The following PRDM6 variants were observed in gnomAD, a reference collection of about 807,000 sequenced individuals.
PRDM6 encodes the protein PR/SET domain 6.
In PRDM6, 25 loss-of-function variants were observed where a neutral mutation model predicts 60.8. That is an observed-to-expected ratio of 0.41 (90% CI 0.30 to 0.57). The LOEUF is 0.57. Ranked by LOEUF, PRDM6 falls within the 20% of genes least tolerant of loss-of-function variation. The probability of loss-of-function intolerance (pLI) is 0.27; values close to 1 mark genes in which losing one functional copy is unlikely to be tolerated. For synonymous variants in PRDM6, 407 were observed against 357.4 expected, an observed-to-expected ratio of 1.14 and a Z score of -1.57; for missense variants, 839 against 821.3, an observed-to-expected ratio of 1.02 and a Z score of -0.26.
Position 123,123,723 on chromosome 5 carries a change from T to A in PRDM6, c.900+23762T>A, listed in dbSNP as rs567799113. On this transcript the variant is annotated intron_variant, in intron 3 of 7. Coordinates refer to ENST00000407847, the MANE Select transcript of PRDM6 (RefSeq NM_001136239.4). ...CTCCCATGCAAACTCTTAATGCCAC[T>A]CTGATAACATTGGAAACTTTAGGCC... 2.6e-5 allele frequency among the ~76,000 whole-genome samples: 4 copies of A among 152,336 alleles called. No homozygotes were observed. The East Asian group carries it at 5.8e-4, about 22-fold the overall frequency.
At chr5:123,130,016 T>TTTCCC (rs570664101) in intron 3 of PRDM6, among the ~76,000 whole-genome samples, 5 of 131,872 alleles carry the variant, frequency 3.8e-5, no homozygotes, top group South Asian at 2.8e-4. Flanking sequence ...TCCTTTTCCC[T>TTTCCC]TTCCCTTCCC....
Position 123,143,629 on chromosome 5 carries a change from G to A in PRDM6, c.901-12255G>A, listed in dbSNP as rs568072163. On this transcript the variant is annotated intron_variant, in intron 3 of 7. Coordinates refer to ENST00000407847, the MANE Select transcript of PRDM6 (RefSeq NM_001136239.4). ...GGGCGTCTCTCTGGGAGACAGCATG[G>A]TGTCCCAGTGCTGGCTGCACACTTG... 3.9e-5 allele frequency among the ~76,000 whole-genome samples: 6 copies of A among 152,196 alleles called. No individual in the cohort carries two copies. In the South Asian group the frequency reaches 8.3e-4, roughly 21 times the overall value.
At chr5:123,151,479 G>A (rs1765368032) in intron 3 of PRDM6, among the ~76,000 whole-genome samples, 1 of 152,152 alleles carries the variant, frequency 6.6e-6, no homozygotes, top group East Asian at 1.9e-4. Context: ...AGATGGGGAG[G>A]CAGAGAAGTG....
chr5:123,159,658 C>G lies in PRDM6; in HGVS notation c.1153+20C>G. 6.5e-7 allele frequency: 1 copy of G among 1,549,440 alleles called. No individual in the cohort carries two copies. The highest frequency in any genetic ancestry group is 1.2e-5 in the South Asian group (1 of 83,484). On this transcript the variant is annotated intron_variant, in intron 5 of 7. Coordinates refer to ENST00000407847, the MANE Select transcript of PRDM6 (RefSeq NM_001136239.4). ...AAAACTGTAAGAATTTATTTTAGCTCTGAATTCACATTTCAATATACCTAT... is the reference window on the plus strand; with the variant it reads ...AAAACTGTAAGAATTTATTTTAGCTGTGAATTCACATTTCAATATACCTAT...
chr5:123,111,375 G>A (rs545511105), intron 3 of PRDM6, among the ~76,000 whole-genome samples: 1 of 152,286 alleles, frequency 6.6e-6, no homozygotes, highest in South Asian at 2.1e-4. Context: ...GTTAACAAAT[G>A]TCCCAGGCAG....
rs537426568 is a variant in PRDM6 at position 123,112,783 on chromosome 5, C to CTTTTTTTTTTTT, written c.900+12837_900+12848dup. 1.1e-4 allele frequency among the ~76,000 whole-genome samples: 5 copies of CTTTTTTTTTTTT among 47,504 alleles called. 1 individual carries two copies. The highest frequency in any genetic ancestry group is 3.9e-4 in the African/African-American group (4 of 10,194). The allele number at this position is 47,504 out of a possible 152,430, so 31.2% of individuals were successfully genotyped here. On this transcript the variant is annotated intron_variant, in intron 3 of 7. Transcript: ENST00000407847. ...ACATTTTAGAGTTACTCTAATGGCT[C>CTTTTTTTTTTTT]TTTTTTTTTTTTTTTTTTTTTTTTT... is the stretch of plus-strand genomic sequence containing the variant.
intron 3 of PRDM6, among the ~76,000 whole-genome samples, chr5:123,144,135 G>A (rs970950811): frequency 1.3e-5 from 2 of 152,154 alleles, no homozygotes; most frequent in Admixed American, 6.5e-5. Context: ...GGAGGAGCTG[G>A]GGTTGCCCGT....
chr5:123,155,262 CT>C (rs759225954), intron 3 of PRDM6, among the ~76,000 whole-genome samples: 13,967 of 92,664 alleles, frequency 0.15, 880 homozygotes, highest in Non-Finnish European at 0.2. Context: ...GAGGGTCTCT[CT>C]TTTTTTTTTT....
intron 3 of PRDM6, among the ~76,000 whole-genome samples, chr5:123,105,154 C>T (rs752560329): frequency 5.9e-5 from 9 of 152,172 alleles, no homozygotes; most frequent in Non-Finnish European, 8.8e-5. Context: ...TTACAAATTG[C>T]TTCTTTTATC....
chr5:123,147,805 T>C (rs565046353), intron 3 of PRDM6, among the ~76,000 whole-genome samples: 1 of 152,322 alleles, frequency 6.6e-6, no homozygotes, highest in African/African-American at 2.4e-5. Flanking sequence ...CTTCCTCTGA[T>C]CAACAGACAG....
chr5:123,144,417 G>T (rs1357285388), intron 3 of PRDM6, among the ~76,000 whole-genome samples: 1 of 152,166 alleles, frequency 6.6e-6, no homozygotes, highest in Non-Finnish European at 1.5e-5. Flanking sequence ...TTCAAGAGTA[G>T]CTCCTTGACC....
rs1764043417 is a variant in PRDM6, at chr5:123,099,347, T to G, written c.593-307T>G. On this transcript the variant is annotated intron_variant, in intron 2 of 7. Coordinates refer to ENST00000407847, the MANE Select transcript of PRDM6 (RefSeq NM_001136239.4). This position sits in a 1 kb window ranked among gnomAD's most constrained non-coding sequence, Gnocchi z 4.0. The stretch of plus-strand genomic sequence containing the variant: ...GAGACTGAAACGGGAGGAAGAAGCC[T>G]GGAACTGTCGGTTCCGTGGAGAGCG... Among the ~76,000 whole-genome samples, 1 of 152,154 alleles carries G rather than the reference T, an allele frequency of 6.6e-6. No homozygotes were observed. Among genetic ancestry groups the G allele is most frequent in the South Asian group, 2.1e-4 (1 of 4,830 alleles).
At chr5:123,166,221 C>T (rs534289687) in intron 5 of PRDM6, among the ~76,000 whole-genome samples, 1 of 152,304 alleles carries the variant, frequency 6.6e-6, no homozygotes, top group South Asian at 2.1e-4. Flanking sequence ...TCCTTTAGTG[C>T]CCTGAGCTCC....
chr5:123,161,285 G>T (rs764542742), intron 5 of PRDM6, among the ~76,000 whole-genome samples: 4 of 152,200 alleles, frequency 2.6e-5, no homozygotes, highest in Non-Finnish European at 5.9e-5. Flanking sequence ...CAGTGTCTTT[G>T]CTGGGTGATA....
At chr5:123,123,589 G>A (rs774710327) in intron 3 of PRDM6, among the ~76,000 whole-genome samples, 5 of 151,988 alleles carry the variant, frequency 3.3e-5, no homozygotes, top group Non-Finnish European at 5.9e-5. Context: ...TGGAATCCAC[G>A]TTTGCAAAAA....
Position 123,180,118 on chromosome 5 carries a change from T to C in PRDM6, c.1497-29T>C, listed in dbSNP as rs570487575. On this transcript the variant is annotated intron_variant, in intron 6 of 7. Coordinates refer to ENST00000407847, the MANE Select transcript of PRDM6 (RefSeq NM_001136239.4). The stretch of plus-strand genomic sequence containing the variant: ...TTCCACTGACCAACGCAGAAAACAA[T>C]GACCAGACAGTCTGTTTATTTGTTT... The C allele has an allele frequency of 3.8e-4, 572 of 1,507,222 alleles. 2 individuals are homozygous for C. Among genetic ancestry groups the C allele is most frequent in the Middle Eastern group, 1.8e-4 (1 of 5,672 alleles). The allele number at this position is 1,507,222 out of a possible 1,614,324, so 93.4% of individuals were successfully genotyped here. A position where few individuals can be genotyped will look rare whatever the true frequency, so the allele number is the denominator to read the frequency against.
In PRDM6 at chr5:123,090,531, C is replaced by G; in HGVS notation, c.517C>G (p.Leu173Val). The G allele has an allele frequency of 1.3e-6, 2 of 1,515,072 alleles. No homozygotes were observed. Among genetic ancestry groups the G allele is most frequent in the Non-Finnish European group, 1.8e-6 (2 of 1,139,744 alleles). The allele number at this position is 1,515,072 out of a possible 1,614,324, so 93.9% of individuals were successfully genotyped here. A position where few individuals can be genotyped will look rare whatever the true frequency, so the allele number is the denominator to read the frequency against. ...GCGCTTCCGCTGCAGCGCAGAGGAG[C>G]TGGACTATTACCTGTATGGCCAGCA... is the stretch of plus-strand genomic sequence containing the variant. The part of the protein sequence containing the change: ...APRFRCSAEE[L>V]DYYLYGQQRM... Residue 173 changes from leucine (L) to valine (V), a missense_variant, in exon 2 of 8, where the codon CTG (leucine) becomes GTG (valine). By Grantham distance (32) the Leu-to-Val change is conservative. This residue lies in a region of PRDM6 where 730 missense variants were observed against 648.8 expected (regional missense o/e 1.13). Coordinates refer to ENST00000407847, the MANE Select transcript of PRDM6 (RefSeq NM_001136239.4).
At chr5:123,114,798 T>A (rs1017995957) in intron 3 of PRDM6, among the ~76,000 whole-genome samples, 5 of 152,176 alleles carry the variant, frequency 3.3e-5, no homozygotes, top group African/African-American at 1.2e-4. Context: ...TCAGATAAAT[T>A]AGACTGTGGG....
intron 3 of PRDM6, among the ~76,000 whole-genome samples, chr5:123,129,897 T>G (rs1263054938): frequency 2.0e-5 from 3 of 152,152 alleles, no homozygotes; most frequent in African/African-American, 7.2e-5. Flanking sequence ...AATTCCTGTT[T>G]ATAAAAATAG....
Sources: gnomAD v4.1 joint callset for allele counts (sites outside exome capture counted in the v4.1 genomes callset) on GRCh38, gnomAD v4.1.1 for gene constraint, gnomAD v4.1.1 regional missense constraint, Gnocchi (gnomAD v3.1) non-coding constraint, MANE v1.5 for transcripts, NCBI Gene and HGNC (gene_info 2026-07-23, HGNC 2026-07-21) for gene names.